ME1: variants seen among roughly 807,000 people sequenced by gnomAD.
ME1 encodes the protein malic enzyme 1.
Under a neutral mutation model 66.4 loss-of-function variants are expected in ME1, and 74 were observed. The ratio of observed to expected loss-of-function variants is 1.11; its 90% CI spans 0.92 to 1.35. The LOEUF (loss-of-function observed/expected upper bound fraction) is 1.35, where lower values mean the gene tolerates loss of function less well. Ranked by LOEUF, ME1 falls within the 40% of genes most tolerant of loss-of-function variation. ME1 has a pLI of 0.00. For synonymous variants in ME1, 251 were observed against 235.6 expected (o/e 1.07, Z -0.60); for missense variants, 750 against 694.1 (o/e 1.08, Z -0.90).
intron 6 of ME1, among the ~76,000 whole-genome samples, chr6:83,268,960 A>C (rs1301441916): frequency 6.6e-6 from 1 of 152,042 alleles, no homozygotes; most frequent in Non-Finnish European, 1.5e-5. Flanking sequence ...AGGATTCACT[A>C]AATATTAGTT....
intron 6 of ME1, among the ~76,000 whole-genome samples, chr6:83,283,480 T>G (rs1455480796): frequency 6.6e-6 from 1 of 151,762 alleles, no homozygotes; most frequent in Non-Finnish European, 1.5e-5. Flanking sequence ...ATCCAGAGCT[T>G]AAAATCTAGG....
At chr6:83,311,093 C>A (rs1767922735) in intron 6 of ME1, among the ~76,000 whole-genome samples, 1 of 152,094 alleles carries the variant, frequency 6.6e-6, no homozygotes, top group Non-Finnish European at 1.5e-5. Flanking sequence ...ATTTCACCCC[C>A]ATAAGTTAAC....
chr6:83,310,584 A>T (rs529980460), intron 6 of ME1, among the ~76,000 whole-genome samples: 1 of 152,212 alleles, frequency 6.6e-6, no homozygotes, highest in Non-Finnish European at 1.5e-5. Context: ...GGACCCCACC[A>T]CTGGTAGAAG....
chr6:83,296,751 T>G (rs948973697), intron 6 of ME1, among the ~76,000 whole-genome samples: 13 of 152,308 alleles, frequency 8.5e-5, no homozygotes, highest in African/African-American at 3.1e-4. Flanking sequence ...ATGACATGAT[T>G]CTACATGTAG....
At chr6:83,394,362 T>A (rs912077219) in intron 3 of ME1, among the ~76,000 whole-genome samples, 5 of 152,130 alleles carry the variant, frequency 3.3e-5, no homozygotes, top group African/African-American at 1.2e-4. Context: ...ATATCTCAAT[T>A]ACACTGATTT....
intron 11 of ME1, among the ~76,000 whole-genome samples, chr6:83,225,434 G>A (rs1017372677): frequency 6.6e-6 from 1 of 151,948 alleles, no homozygotes; most frequent in Non-Finnish European, 1.5e-5. Flanking sequence ...TAGTTTAAAC[G>A]ATGACAGAAT....
intron 9 of ME1, among the ~76,000 whole-genome samples, chr6:83,230,001 T>G (rs1223944682): frequency 1.3e-5 from 2 of 150,174 alleles, no homozygotes; most frequent in Non-Finnish European, 2.9e-5. Flanking sequence ...TTATCATTTT[T>G]TTTTAGAGAT....
rs145105900 is a variant in ME1, at chr6:83,398,509, G to A, written c.220C>T (p.Leu74Phe). 7 of 1,526,358 alleles carry A rather than the reference G, an allele frequency of 4.6e-6. No individual in the cohort carries two copies. In the Admixed American group the frequency reaches 8.1e-5, roughly 18 times the overall value. 94.6% of individuals were successfully genotyped at this position (1,526,358 alleles called of 1,614,324 possible). The change falls in exon 3 of 14, where the codon CTC becomes TTC. Residue 74 changes from leucine (L) to phenylalanine (F), a missense_variant. Coordinates refer to ENST00000369705, the MANE Select transcript of ME1 (RefSeq NM_002395.6). ...TTTCTATCTTGGAGATCCATTAAGA[G>A]AAGATACCTGTAAAAATTGGACATA... ...HLNSDFDRYL[L>F]LMDLQDRNEK...
intron 6 of ME1, among the ~76,000 whole-genome samples, chr6:83,269,988 A>T (rs912805832): frequency 2.0e-5 from 3 of 152,162 alleles, no homozygotes; most frequent in African/African-American, 7.2e-5. Context: ...CTTCTTGTGA[A>T]ATATAGACCC....
At chr6:83,262,862 C>T (rs751569292) in intron 6 of ME1, among the ~76,000 whole-genome samples, 2 of 152,168 alleles carry the variant, frequency 1.3e-5, no homozygotes, top group Non-Finnish European at 2.9e-5. Flanking sequence ...TTATTTCATA[C>T]TACAAGAATA....
intron 5 of ME1, among the ~76,000 whole-genome samples, chr6:83,317,812 A>C (rs1177931139): frequency 1.3e-5 from 2 of 152,160 alleles, no homozygotes; most frequent in African/African-American, 4.8e-5. Flanking sequence ...TTTAAAGTTC[A>C]TATGGAACCA....
intron 9 of ME1, among the ~76,000 whole-genome samples, chr6:83,237,227 A>G (rs1326204031): frequency 1.4e-5 from 1 of 68,978 alleles, no homozygotes; most frequent in Non-Finnish European, 2.8e-5. Flanking sequence ...ACAGAGAGAG[A>G]AAAGAAAGAA....
chr6:83,237,913 T>C (rs1790446192), intron 8 of ME1, 83 bp from the exon 9 acceptor site: 5 of 633,692 alleles, frequency 7.9e-6, no homozygotes, highest in Non-Finnish European at 1.3e-5. Context: ...TTTGTCTTTG[T>C]TAGTGGGAAC....
chr6:83,219,619 A>G (rs1326755985), intron 12 of ME1, among the ~76,000 whole-genome samples: 2 of 152,004 alleles, frequency 1.3e-5, no homozygotes, highest in East Asian at 3.9e-4. Context: ...TGTATGTGAA[A>G]CAGGGTCTCA....
intron 5 of ME1, among the ~76,000 whole-genome samples, chr6:83,315,725 C>G (rs1768018787): frequency 6.6e-6 from 1 of 152,102 alleles, no homozygotes; most frequent in African/African-American, 2.4e-5. Context: ...CAGTGAAACC[C>G]TGTCTCTACA....
chr6:83,235,478 T>A (rs1413718257), intron 9 of ME1, among the ~76,000 whole-genome samples: 1 of 149,804 alleles, frequency 6.7e-6, no homozygotes, highest in Non-Finnish European at 1.5e-5. Context: ...CTATTTTTTT[T>A]TTTTTTTTTT....
chr6:83,366,463 GT>G (rs1477667150), intron 3 of ME1, among the ~76,000 whole-genome samples: 1 of 152,036 alleles, frequency 6.6e-6, no homozygotes, highest in Non-Finnish European at 1.5e-5. Context: ...CAGGAATTTT[GT>G]GTGAAGAAGG....
At chr6:83,265,671 GT>G (rs1766975940) in intron 6 of ME1, among the ~76,000 whole-genome samples, 1 of 152,080 alleles carries the variant, frequency 6.6e-6, no homozygotes, top group South Asian at 2.1e-4. Context: ...TTGTTTTATT[GT>G]GGTTGTCTGG....
At chr6:83,236,970 CAGG>C (rs936032801) in intron 9 of ME1, among the ~76,000 whole-genome samples, 9 of 151,642 alleles carry the variant, frequency 5.9e-5, no homozygotes, top group Non-Finnish European at 2.9e-5. Flanking sequence ...GAGGCTGAGG[CAGG>C]AGGATCACTT....
Sources: gnomAD v4.1 joint callset for allele counts (sites outside exome capture counted in the v4.1 genomes callset) on GRCh38, gnomAD v4.1.1 for gene constraint, MANE v1.5 for transcripts, NCBI Gene and HGNC (gene_info 2026-07-23, HGNC 2026-07-21) for gene names.